PCDH15: variants seen among roughly 807,000 people sequenced by gnomAD.
PCDH15 encodes the protein protocadherin related 15.
Under a neutral mutation model 178.5 loss-of-function variants are expected in PCDH15, and 129 were observed. The ratio of observed to expected loss-of-function variants is 0.72; its 90% CI spans 0.63 to 0.84. The LOEUF (loss-of-function observed/expected upper bound fraction) is 0.84. PCDH15 is among the 40% of genes least tolerant of loss of function. PCDH15 has a pLI of 0.00. For missense variants in PCDH15, 2,230 were observed against 2,099.9 expected (o/e 1.06, Z -1.21); for synonymous variants, 800 against 732.0 (o/e 1.09, Z -1.50).
chr10:54,638,197 TG>T (rs1424042883), intron 2 of PCDH15, among the ~76,000 whole-genome samples: 1 of 152,072 alleles, frequency 6.6e-6, no homozygotes, highest in African/African-American at 2.4e-5. Context: ...TTCAGCTTTT[TG>T]TAACTATGTA....
At chr10:54,837,195 G>A (rs1416688916) in intron 3 of PCDH15, among the ~76,000 whole-genome samples, 1 of 151,942 alleles carries the variant, frequency 6.6e-6, no homozygotes, top group Non-Finnish European at 1.5e-5. Context: ...AAAACTAAAA[G>A]TTAGTAGACA....
At chr10:54,505,067 T>G (rs2081052196) in intron 3 of PCDH15, among the ~76,000 whole-genome samples, 2 of 152,056 alleles carry the variant, frequency 1.3e-5, no homozygotes, top group Non-Finnish European at 2.9e-5. Flanking sequence ...TGTTTTTTTG[T>G]TTTTTTCCTA....
Position 54,234,997 on chromosome 10 carries a change from G to A in PCDH15, c.985+1826C>T, listed in dbSNP as rs535856515. On this transcript the variant is annotated intron_variant, in intron 9 of 37. Transcript: ENST00000644397. ...TCACTCACTTCTTTCCAGTACTTCC[G>A]GCCCCCTTGTTGTTTCTGAAACCCA... 1.8e-4 allele frequency among the ~76,000 whole-genome samples: 28 copies of A among 152,046 alleles called. 1 individual carries two copies. The South Asian group carries it at 5.2e-3, about 28-fold the overall frequency.
intron 2 of PCDH15, among the ~76,000 whole-genome samples, chr10:55,598,561 T>C (rs2132140376): frequency 1.1e-5 from 1 of 94,118 alleles, no homozygotes; most frequent in African/African-American, 4.1e-5. Context: ...TATATATATA[T>C]ATATATAGTA....
intron 9 of PCDH15, among the ~76,000 whole-genome samples, chr10:54,223,150 A>G (rs141196512): frequency 0.063 from 9,579 of 151,928 alleles, 435 homozygotes; most frequent in Admixed American, 0.12. Context: ...CGTCTCTACT[A>G]AAAATAGAGA....
At chr10:55,066,630 T>C (rs1841570741) in intron 2 of PCDH15, among the ~76,000 whole-genome samples, 1 of 150,354 alleles carries the variant, frequency 6.7e-6, no homozygotes, top group Non-Finnish European at 1.5e-5. Context: ...AAGGTAACTT[T>C]TTTTTTAATT....
intron 10 of PCDH15, among the ~76,000 whole-genome samples, chr10:54,211,363 T>G (rs2051405675): frequency 6.6e-6 from 1 of 152,194 alleles, no homozygotes; most frequent in Non-Finnish European, 1.5e-5. Context: ...TAAAGTATGC[T>G]TAAATGATTA....
At chr10:54,345,304 T>C (rs556647427) in intron 6 of PCDH15, among the ~76,000 whole-genome samples, 8 of 152,232 alleles carry the variant, frequency 5.3e-5, no homozygotes, top group East Asian at 1.9e-4. Context: ...TTTGTTTGTT[T>C]TTGCTTGTCT....
intron 1 of PCDH15, among the ~76,000 whole-genome samples, chr10:54,733,574 C>G (rs951357706): frequency 1.3e-5 from 2 of 151,362 alleles, no homozygotes; most frequent in African/African-American, 2.4e-5. Flanking sequence ...GAATTCTTAG[C>G]AGGATATTTT....
At chr10:55,328,492 T>C (rs1314971310) in intron 2 of PCDH15, among the ~76,000 whole-genome samples, 8 of 151,786 alleles carry the variant, frequency 5.3e-5, no homozygotes, top group Non-Finnish European at 7.4e-5. Context: ...AAACATATAA[T>C]GGTACAGTAA....
intron 2 of PCDH15, among the ~76,000 whole-genome samples, chr10:55,122,155 G>T (rs973266363): frequency 2.6e-5 from 4 of 152,120 alleles, no homozygotes; most frequent in Non-Finnish European, 5.9e-5. Flanking sequence ...ATTAGACTCT[G>T]TTTAGTGTCC....
chr10:54,557,953 A>G (rs910977147), intron 2 of PCDH15, among the ~76,000 whole-genome samples: 1 of 152,140 alleles, frequency 6.6e-6, no homozygotes, highest in African/African-American at 2.4e-5. Context: ...GCATTCAAAT[A>G]TCAGGTTTTC....
At chr10:55,180,587 A>AG (rs1386577684) in intron 1 of PCDH15, among the ~76,000 whole-genome samples, 3 of 152,172 alleles carry the variant, frequency 2.0e-5, no homozygotes, top group Non-Finnish European at 2.9e-5. Context: ...AAAGGCATAG[A>AG]GTGCAATAAC....
intron 26 of PCDH15, among the ~76,000 whole-genome samples, chr10:53,898,276 T>A (rs1258009401): frequency 6.6e-6 from 1 of 152,080 alleles, no homozygotes; most frequent in African/African-American, 2.4e-5. Flanking sequence ...CCCATATGGG[T>A]TGTTTCTAAT....
chr10:54,561,835 T>TTAG (rs2088206136), intron 2 of PCDH15, among the ~76,000 whole-genome samples: 1 of 145,118 alleles, frequency 6.9e-6, no homozygotes, highest in Non-Finnish European at 1.6e-5. Flanking sequence ...TCAATGGTAA[T>TTAG]TATTATTATT....
intron 2 of PCDH15, among the ~76,000 whole-genome samples, chr10:55,121,551 T>C (rs1163170196): frequency 6.6e-6 from 1 of 152,168 alleles, no homozygotes; most frequent in East Asian, 1.9e-4. Context: ...AAGACCATCA[T>C]GGTTTGAATA....
chr10:54,872,180 A>C (rs1005679952), intron 3 of PCDH15, among the ~76,000 whole-genome samples: 2 of 151,974 alleles, frequency 1.3e-5, no homozygotes, highest in Non-Finnish European at 1.5e-5. Context: ...TATTATTTTT[A>C]ATAAATAAGG....
At chr10:54,058,151 CT>C (rs1484874009) in intron 18 of PCDH15, among the ~76,000 whole-genome samples, 2 of 152,166 alleles carry the variant, frequency 1.3e-5, no homozygotes, top group Admixed American at 6.5e-5. Context: ...CTTCTGAGCC[CT>C]CCAAACTGTT....
At chr10:55,336,035 AGTTCTTT>A (rs1478189160) in intron 2 of PCDH15, among the ~76,000 whole-genome samples, 1 of 143,462 alleles carries the variant, frequency 7.0e-6, no homozygotes, top group Non-Finnish European at 1.5e-5. Flanking sequence ...TGGCCCAGAT[AGTTCTTT>A]GTTGTGGGGA....
Sources: gnomAD v4.1 joint callset for allele counts (sites outside exome capture counted in the v4.1 genomes callset) on GRCh38, gnomAD v4.1.1 for gene constraint, MANE v1.5 for transcripts, NCBI Gene and HGNC (gene_info 2026-07-23, HGNC 2026-07-21) for gene names.